Variants in ZCCHC7 observed in about 807,000 individuals in gnomAD.
The protein encoded by ZCCHC7 is zinc finger CCHC-type containing 7.
In ZCCHC7, 35 loss-of-function variants were observed where a neutral mutation model predicts 52.0. That is an observed-to-expected ratio of 0.67 (90% CI 0.51 to 0.89). The LOEUF is 0.89. Ranked by LOEUF, ZCCHC7 falls within the 40% of genes least tolerant of loss-of-function variation. The probability of loss-of-function intolerance (pLI) is 0.00; values close to 1 mark genes in which losing one functional copy is unlikely to be tolerated. For synonymous variants in ZCCHC7, 217 were observed against 221.5 expected (o/e 0.98, Z 0.18); for missense variants, 574 against 649.1 (o/e 0.88, Z 1.26).
chr9:37,276,231 A>C (rs1185667375), intron 2 of ZCCHC7, among the ~76,000 whole-genome samples: 1 of 152,160 alleles, frequency 6.6e-6, no homozygotes, highest in Non-Finnish European at 1.5e-5. Flanking sequence ...TGGCTTAATA[A>C]CTTGAAGGGG....
chr9:37,177,877 C>T (rs1822130209), intron 2 of ZCCHC7, among the ~76,000 whole-genome samples: 1 of 152,022 alleles, frequency 6.6e-6, no homozygotes, highest in African/African-American at 2.4e-5. Flanking sequence ...CAAGAGGAGC[C>T]TAGGGAGACA....
At chr9:37,171,191 C>T (rs1309717021) in intron 2 of ZCCHC7, among the ~76,000 whole-genome samples, 2 of 152,046 alleles carry the variant, frequency 1.3e-5, no homozygotes, top group Admixed American at 1.3e-4. Flanking sequence ...ATTGAGTTTC[C>T]CTGTTAAGTT....
At chr9:37,330,788 A>G (rs968522900) in intron 6 of ZCCHC7, among the ~76,000 whole-genome samples, 3 of 151,454 alleles carry the variant, frequency 2.0e-5, no homozygotes, top group African/African-American at 7.3e-5. Flanking sequence ...TTCGAGAAAG[A>G]ATGTCCCTTC....
intron 5 of ZCCHC7, among the ~76,000 whole-genome samples, chr9:37,320,665 A>G (rs1260509226): frequency 6.6e-6 from 1 of 152,190 alleles, no homozygotes; most frequent in Non-Finnish European, 1.5e-5. Context: ...ATTTATGTGT[A>G]TTTAAGTTGT....
intron 5 of ZCCHC7, among the ~76,000 whole-genome samples, chr9:37,313,299 GTTAA>G (rs1242593033): frequency 7.2e-6 from 1 of 137,994 alleles, no homozygotes; most frequent in African/African-American, 3.5e-5. Context: ...CTTCAAGAAA[GTTAA>G]GTTGATTTCT....
chr9:37,294,366 G>T (rs978097484), intron 2 of ZCCHC7, among the ~76,000 whole-genome samples: 1 of 152,180 alleles, frequency 6.6e-6, no homozygotes, highest in Non-Finnish European at 1.5e-5. Context: ...TTAGGCTCAG[G>T]AAAGGATATG....
chr9:37,337,078 A>T (rs139490504), intron 6 of ZCCHC7, among the ~76,000 whole-genome samples: 1 of 152,264 alleles, frequency 6.6e-6, no homozygotes, highest in South Asian at 2.1e-4. Flanking sequence ...TGGCTGATTA[A>T]TGAACTTTCT....
intron 2 of ZCCHC7, among the ~76,000 whole-genome samples, chr9:37,298,250 A>C (rs556331696): frequency 6.6e-6 from 1 of 152,310 alleles, no homozygotes; most frequent in Admixed American, 6.5e-5. Flanking sequence ...AATGGGGGCA[A>C]AGTGTAAAAA....
chr9:37,195,435 A>G (rs925521331), intron 2 of ZCCHC7, among the ~76,000 whole-genome samples: 1 of 152,200 alleles, frequency 6.6e-6, no homozygotes, highest in African/African-American at 2.4e-5. Context: ...CTTTAGATAT[A>G]TGAAAAATGC....
intron 2 of ZCCHC7, among the ~76,000 whole-genome samples, chr9:37,207,589 AC>A (rs1823990894): frequency 6.9e-6 from 1 of 144,422 alleles, no homozygotes; most frequent in Non-Finnish European, 1.5e-5. Context: ...TTCCTGTAAT[AC>A]ATGTGGTAAT....
At chr9:37,311,300 A>G (rs1829588591) in intron 5 of ZCCHC7, among the ~76,000 whole-genome samples, 1 of 152,190 alleles carries the variant, frequency 6.6e-6, no homozygotes. Flanking sequence ...TTTTTCTCAA[A>G]TTCCCTGCTC....
At position 37,126,771 on chromosome 9, in the gene ZCCHC7, G is replaced by T; in HGVS notation, c.439G>T (p.Gly147Cys). ...IEKPKSEERS[G>C]VIREVMIIEV... ...GAAGCCTAAATCTGAAGAGAGATCA[G>T]GTGTAATCCGAGAGGTCATGATTAT... Residue 147 changes from glycine to cysteine, a missense_variant, in exon 2 of 9, where the codon GGT becomes TGT. Gly to Cys is a radical substitution (Grantham distance 159, BLOSUM62 -3). This residue lies in a region of ZCCHC7 where 403 missense variants were observed against 461.2 expected (regional missense o/e 0.87). Transcript: ENST00000336755. 1.9e-6 allele frequency: 3 copies of T among 1,614,152 alleles called. No homozygotes were observed. Among genetic ancestry groups the T allele is most frequent in the Non-Finnish European group, 2.5e-6 (3 of 1,180,002 alleles).
intron 2 of ZCCHC7, among the ~76,000 whole-genome samples, chr9:37,227,153 T>C (rs1057176305): frequency 6.6e-6 from 1 of 152,052 alleles, no homozygotes; most frequent in Non-Finnish European, 1.5e-5. Flanking sequence ...ATTTAAAATA[T>C]GTAGACTTCA....
At chr9:37,352,483 T>A (rs1821434682) in intron 7 of ZCCHC7, among the ~76,000 whole-genome samples, 1 of 151,470 alleles carries the variant, frequency 6.6e-6, no homozygotes, top group Admixed American at 6.6e-5. Context: ...TCAAGACCTC[T>A]GTTACCTTTG....
At chr9:37,228,774 T>C (rs1825247249) in intron 2 of ZCCHC7, among the ~76,000 whole-genome samples, 1 of 151,718 alleles carries the variant, frequency 6.6e-6, no homozygotes, top group Admixed American at 6.6e-5. Flanking sequence ...TAAGAAAATA[T>C]ATTTCTGCAT....
chr9:37,313,924 C>T (rs1158293561), intron 5 of ZCCHC7, among the ~76,000 whole-genome samples: 1 of 152,212 alleles, frequency 6.6e-6, no homozygotes, highest in Non-Finnish European at 1.5e-5. Flanking sequence ...TGGACTAATA[C>T]AGTGTATAAC....
At chr9:37,356,264 GA>G (rs1821696190) in intron 8 of ZCCHC7, among the ~76,000 whole-genome samples, 1 of 150,128 alleles carries the variant, frequency 6.7e-6, no homozygotes, top group South Asian at 2.1e-4. Flanking sequence ...GTCAAGCTCT[GA>G]CAAAACATTA....
chr9:37,134,029 G>A (rs1006696636), intron 2 of ZCCHC7, among the ~76,000 whole-genome samples: 6 of 151,996 alleles, frequency 3.9e-5, no homozygotes, highest in Non-Finnish European at 5.9e-5. Context: ...CGACTGAAAC[G>A]TACTATATAT....
rs1820515491 is a variant in ZCCHC7, at chr9:37,151,354, T to C, written c.610+24412T>C. Among the ~76,000 whole-genome samples the C allele has an allele frequency of 3.9e-5, 6 of 152,226 alleles. No individual in the cohort carries two copies. In the South Asian group the frequency reaches 1.2e-3, roughly 32 times the overall value. Reference sequence around the variant, plus strand: ...TCTCAGTGAGAGTAAACCTTTTCTGTATATAAAACGATCATTCTGTATACT... The same window carrying C: ...TCTCAGTGAGAGTAAACCTTTTCTGCATATAAAACGATCATTCTGTATACT... On this transcript the variant is annotated intron_variant, in intron 2 of 8. Coordinates refer to ENST00000336755, the MANE Select transcript of ZCCHC7 (RefSeq NM_032226.3).
Sources: gnomAD v4.1 joint callset for allele counts (sites outside exome capture counted in the v4.1 genomes callset) on GRCh38, gnomAD v4.1.1 for gene constraint, gnomAD v4.1.1 regional missense constraint, MANE v1.5 for transcripts, NCBI Gene and HGNC (gene_info 2026-07-23, HGNC 2026-07-21) for gene names.